The following SHOX variants were observed in gnomAD, a reference collection of about 807,000 sequenced individuals.
SHOX encodes SHOX homeobox, also known as short stature homeobox protein.
Under a neutral mutation model 29.6 loss-of-function variants are expected in SHOX, and 12 were observed. The observed-to-expected ratio is 0.41, with a 90% CI of 0.26 to 0.66. The LOEUF is 0.66. SHOX is among the 30% of genes least tolerant of loss of function. The pLI is 0.35. For synonymous variants in SHOX, 214 were observed against 200.6 expected (o/e 1.07, Z -0.57); for missense variants, 499 against 437.7 (o/e 1.14, Z -1.25).
intron 2 of SHOX, among the ~76,000 whole-genome samples, chrX:640,404 C>T (rs1428160767): frequency 2.0e-5 from 3 of 151,760 alleles, no homozygotes; most frequent in Non-Finnish European, 4.4e-5. Flanking sequence ...ATGGTGAAAC[C>T]GCGTCTCTAC....
At position 644,444 on chromosome X, in the gene SHOX, C is replaced by T. The variant is rs1245616283; in HGVS notation, c.687C>T (p.His229=). The change falls in exon 5 of 5, where the codon CAC becomes CAT. Residue 229 remains histidine, a synonymous_variant. Coordinates refer to ENST00000686671, the MANE Select transcript of SHOX (RefSeq NM_000451.4). ...EGVAHAHPHL[H]PHLAAHAPYL... ...TGGCCCACGCGCACCCGCACCTGCA[C>T]CCGCACCTGGCGGCGCACGCGCCCT... is the stretch of plus-strand genomic sequence containing the variant. 5.9e-6 allele frequency: 9 copies of T among 1,522,720 alleles called. No homozygotes were observed. The highest frequency in any genetic ancestry group is 3.6e-5 in the South Asian group (3 of 82,288). The allele number at this position is 1,522,720 out of a possible 1,614,324, so 94.3% of individuals were successfully genotyped here.
chrX:625,495 CT>C (rs1283808216), intron 1 of SHOX, among the ~76,000 whole-genome samples: 1 of 151,784 alleles, frequency 6.6e-6, no homozygotes, highest in East Asian at 1.9e-4. Flanking sequence ...TCTCTGTCCC[CT>C]GTCTGTCGCT....
intron 2 of SHOX, among the ~76,000 whole-genome samples, chrX:638,088 T>C (rs989739246): frequency 6.6e-6 from 1 of 152,176 alleles, no homozygotes; most frequent in African/African-American, 2.4e-5. Flanking sequence ...TTACGGCATT[T>C]GGGAAAGAAA....
At chrX:629,596 T>G (rs1228479723), upstream of SHOX, among the ~76,000 whole-genome samples, 1 of 152,066 alleles carries the variant, frequency 6.6e-6, no homozygotes, top group Non-Finnish European at 1.5e-5. Flanking sequence ...TCTTTCTGTG[T>G]CTTACACACA....
chrX:625,246 A>C (rs1175001543), intron 1 of SHOX, among the ~76,000 whole-genome samples: 41 of 113,076 alleles, frequency 3.6e-4, no homozygotes, highest in East Asian at 1.1e-3. Context: ...TCCTCCTTCT[A>C]CTCCTTTTCC....
chrX:635,221 C>G (rs981019717), intron 2 of SHOX, among the ~76,000 whole-genome samples: 1 of 152,072 alleles, frequency 6.6e-6, no homozygotes. Flanking sequence ...GCAACACATG[C>G]AAACAAAACT....
intron 4 of SHOX, 77 bp downstream of exon 4, chrX:641,164 T>C (rs1215248877): frequency 7.5e-7 from 1 of 1,330,744 alleles, no homozygotes; most frequent in South Asian, 1.2e-5. Flanking sequence ...TGCTGCCGCA[T>C]CCTGACACTC....
chrX:631,087 G>T lies in SHOX; in HGVS notation c.190G>T (p.Gly64Cys). 4 of 1,613,752 alleles carry T rather than the reference G, an allele frequency of 2.5e-6. No individual in the cohort carries two copies. Among genetic ancestry groups the T allele is most frequent in the Non-Finnish European group, 1.7e-6 (2 of 1,179,862 alleles). ...CCTCCAGGACATCACGGAGGGCGGC[G>T]GCCACTGCCCGGTGCATTTGTTCAA... ...SSLQDITEGG[G>C]HCPVHLFKDH... The change falls in exon 1 of 5, where the codon GGC (glycine) becomes TGC (cysteine). Residue 64 changes from glycine to cysteine, a missense_variant. Transcript: ENST00000686671.
chrX:624,971 CCTTTT>C lies in SHOX; in HGVS notation c.-433+376_-433+380del, dbSNP rs1295433996. Among the ~76,000 whole-genome samples, 3 of 146,536 alleles carry C rather than the reference CCTTTT, an allele frequency of 2.0e-5. No homozygotes were observed. The East Asian group carries it at 6.0e-4, about 29-fold the overall frequency. ...TTGGCAAGATTGCTTTTGGAGCTTT[CCTTTT>C]CTTTTCCAGAAAGCTTTTTCCTTCC... On this transcript the variant is annotated intron_variant, in intron 1 of 5. Transcript: ENST00000334060.
exon 6 of SHOX, chrX:659,072 C>G (rs1218910124): frequency 6.8e-6 from 1 of 147,786 alleles, no homozygotes; most frequent in Non-Finnish European, 1.4e-5. Context: ...GCCTTTGTAA[C>G]TTTATTTTTA....
intron 1 of SHOX, among the ~76,000 whole-genome samples, chrX:624,853 C>CTTTCTTTCT (rs770450404): frequency 0.018 from 1,498 of 81,024 alleles, 27 homozygotes; most frequent in Non-Finnish European, 0.029. Flanking sequence ...CTCTCTTCCT[C>CTTTCTTTCT]TTTCTTTCTT....
At chrX:651,692 G>A (rs2053067401), downstream of SHOX, among the ~76,000 whole-genome samples, 1 of 149,196 alleles carries the variant, frequency 6.7e-6, no homozygotes, top group African/African-American at 2.5e-5. Context: ...TGAACACAGA[G>A]TGTTGTTCTG....
downstream of SHOX, among the ~76,000 whole-genome samples, chrX:656,343 G>A (rs1233523233): frequency 6.6e-6 from 1 of 152,058 alleles, no homozygotes; most frequent in South Asian, 2.1e-4. Flanking sequence ...CTGGGAGGCT[G>A]AGGCAGAATC....
rs750375727 is a variant in SHOX, at chrX:644,455, C to A, written c.698C>A (p.Ala233Glu). 6.6e-7 allele frequency: 1 copy of A among 1,522,314 alleles called. No individual in the cohort carries two copies. 94.3% of individuals were successfully genotyped at this position (1,522,314 alleles called of 1,614,324 possible). A position where few individuals can be genotyped will look rare whatever the true frequency, so the allele number is the denominator to read the frequency against. The change falls in exon 5 of 5, where the codon GCG becomes GAG. Residue 233 changes from alanine to glutamate, a missense_variant. Transcript: ENST00000686671. ...CACCCGCACCTGCACCCGCACCTGG[C>A]GGCGCACGCGCCCTACCTGATGTTC... Reference protein sequence around the residue: ...HAHPHLHPHLAAHAPYLMFPP... With the variant: ...HAHPHLHPHLEAHAPYLMFPP...
chrX:631,913 C>T (rs1020869080), intron 1 of SHOX: 17 of 456,098 alleles, frequency 3.7e-5, no homozygotes, highest in Admixed American at 2.1e-4. Flanking sequence ...CACAGAGGAG[C>T]CGTCTCCACG....
At chrX:627,906 G>A (rs967195089), upstream of SHOX, among the ~76,000 whole-genome samples, 1 of 152,176 alleles carries the variant, frequency 6.6e-6, no homozygotes, top group African/African-American at 2.4e-5. Flanking sequence ...GCAGCTGTGA[G>A]AGGTTTACGG....
chrX:651,156 G>T lies in SHOX; in HGVS notation c.*6520G>T. The T allele has an allele frequency of 7.8e-6, 3 of 385,766 alleles. No homozygotes were observed. Among genetic ancestry groups the T allele is most frequent in the Non-Finnish European group, 1.5e-5 (3 of 193,862 alleles). The allele number at this position is 385,766 out of a possible 1,614,324, so 23.9% of individuals were successfully genotyped here. On this transcript the variant is annotated 3_prime_UTR_variant, in exon 5 of 5. Transcript: ENST00000686671. ...CATAAATATGTACTATTTTAATTAT[G>T]TCGAGTGTAAATTTGACATCGCGTT...
At chrX:651,970 A>T (rs929181504), downstream of SHOX, among the ~76,000 whole-genome samples, 4 of 151,504 alleles carry the variant, frequency 2.6e-5, no homozygotes, top group African/African-American at 4.9e-5. Flanking sequence ...CCCAGGCCGG[A>T]GGAGTGCAGG....
upstream of SHOX, chrX:630,471 C>A: frequency 3.9e-6 from 1 of 258,564 alleles, no homozygotes; most frequent in Non-Finnish European, 7.5e-6. Context: ...TGCAGGAAAA[C>A]TGGAGTTTGC....
Sources: allele counts gnomAD v4.1 joint callset (sites outside exome capture counted in the v4.1 genomes callset), GRCh38; gene constraint gnomAD v4.1.1; transcripts MANE v1.5; gene names NCBI Gene and HGNC (gene_info 2026-07-23, HGNC 2026-07-21).